The following CLCN5 variants were observed in gnomAD, a reference collection of about 807,000 sequenced individuals.
CLCN5 encodes H(+)/Cl(-) exchange transporter 5.
In CLCN5, 17 loss-of-function variants were observed where a neutral mutation model predicts 54.0. That is an observed-to-expected ratio of 0.31 (90% confidence interval 0.22 to 0.47). The LOEUF (loss-of-function observed/expected upper bound fraction) is 0.47. CLCN5 is among the 20% of genes least tolerant of loss of function. The probability of loss-of-function intolerance (pLI) is 1.00; values close to 1 mark genes in which losing one functional copy is unlikely to be tolerated. For synonymous variants in CLCN5, 222 were observed against 233.0 expected (o/e 0.95, Z 0.43); for missense variants, 448 against 646.7 (o/e 0.69, Z 3.33).
At chrX:50,079,996 T>C (rs1557192800) in intron 7 of CLCN5, among the ~76,000 whole-genome samples, 1 of 111,821 alleles carries the variant, frequency 8.9e-6, no homozygotes, top group Non-Finnish European at 1.9e-5. Context: ...TTCAATGTAG[T>C]AACAATTTCG....
chrX:49,923,996 CT>C (rs1557167592), intron 2 of CLCN5, among the ~76,000 whole-genome samples: 2 of 112,219 alleles, frequency 1.8e-5, no homozygotes, highest in African/African-American at 6.5e-5. Flanking sequence ...AAGGTGAAGA[CT>C]TTTAGAAAAA....
chrX:49,922,820 C>T (rs1557167373), intron 1 of CLCN5, 28 bp downstream of exon 1: 1 of 113,166 alleles, frequency 8.8e-6, no homozygotes, highest in Non-Finnish European at 1.9e-5. Flanking sequence ...GTCCCTTCCC[C>T]AACAGGTCCT....
intron 3 of CLCN5, among the ~76,000 whole-genome samples, chrX:49,940,372 A>T (rs1231296466): frequency 8.9e-6 from 1 of 112,140 alleles, no homozygotes; most frequent in African/African-American, 3.2e-5. Flanking sequence ...GCTGACTGAA[A>T]TCATATCTCT....
intron 3 of CLCN5, among the ~76,000 whole-genome samples, chrX:49,977,825 C>T (rs1413549040): frequency 1.8e-5 from 2 of 111,592 alleles, no homozygotes; most frequent in Non-Finnish European, 3.8e-5. Context: ...AGGTGGTGGG[C>T]AGGGCTGGGC....
chrX:50,081,499 C>A, intron 8 of CLCN5, 142 bp from the exon 9 acceptor site: 1 of 506,990 alleles, frequency 2.0e-6, no homozygotes, highest in Non-Finnish European at 3.4e-6. Context: ...GGGCTCTCTT[C>A]CAAACAGGGA....
chrX:50,065,074 G>A (rs1260158391), intron 4 of CLCN5, among the ~76,000 whole-genome samples: 3 of 103,457 alleles, frequency 2.9e-5, no homozygotes, highest in African/African-American at 1.1e-4. Context: ...GAAAACCTAG[G>A]CATTACCATT....
At chrX:50,007,473 CAGAG>C (rs782126963) in intron 3 of CLCN5, among the ~76,000 whole-genome samples, 5 of 95,150 alleles carry the variant, frequency 5.3e-5, no homozygotes, top group African/African-American at 2.8e-4. Flanking sequence ...CACACACACA[CAGAG>C]AGAGTGGAAC....
intron 3 of CLCN5, among the ~76,000 whole-genome samples, chrX:49,970,578 A>G (rs1928157947): frequency 9.0e-6 from 1 of 111,695 alleles, no homozygotes; most frequent in Non-Finnish European, 1.9e-5. Context: ...AGCAAACAGT[A>G]CTTCATTACT....
intron 4 of CLCN5, among the ~76,000 whole-genome samples, chrX:50,046,809 G>A (rs1569539362): frequency 9.0e-6 from 1 of 111,259 alleles, no homozygotes; most frequent in South Asian, 3.8e-4. Context: ...CTAGGCAAAA[G>A]ATCAAAAGGC....
At chrX:50,085,579 A>G (rs1933855378) in intron 9 of CLCN5, 2 of 234,572 alleles carry the variant, frequency 8.5e-6, no homozygotes, top group Admixed American at 1.2e-4. Flanking sequence ...GCCTTCTTGA[A>G]CATCTCATTT....
At chrX:50,006,453 A>T (rs1930153400) in intron 3 of CLCN5, among the ~76,000 whole-genome samples, 1 of 111,756 alleles carries the variant, frequency 8.9e-6, no homozygotes, top group African/African-American at 3.3e-5. Flanking sequence ...GAGCTTTTTG[A>T]ATGCCTGTTG....
intron 3 of CLCN5, among the ~76,000 whole-genome samples, chrX:49,966,211 A>G (rs193025507): frequency 4.5e-5 from 5 of 111,739 alleles, no homozygotes; most frequent in African/African-American, 1.3e-4. Flanking sequence ...AGTTTTATTT[A>G]GGGGAATGTT....
intron 3 of CLCN5, among the ~76,000 whole-genome samples, chrX:49,931,789 A>T (rs1601949191): frequency 9.5e-6 from 1 of 104,777 alleles, no homozygotes; most frequent in South Asian, 4.4e-4. Flanking sequence ...GGTGGTGCAC[A>T]CCTGTCGTCC....
intron 4 of CLCN5, among the ~76,000 whole-genome samples, chrX:50,064,173 G>C (rs782797683): frequency 5.4e-5 from 6 of 110,419 alleles, no homozygotes; most frequent in East Asian, 2.9e-4. Flanking sequence ...AATCAGGCAG[G>C]AGAAGGAGAT....
chrX:50,060,115 T>TAA (rs1264063294), intron 4 of CLCN5, among the ~76,000 whole-genome samples: 1 of 109,113 alleles, frequency 9.2e-6, no homozygotes, highest in Admixed American at 9.9e-5. Context: ...CATACTTTTC[T>TAA]AAAAGTTTAA....
At chrX:50,050,292 ACTGT>A (rs1190629451) in intron 4 of CLCN5, 2 of 112,013 alleles carry the variant, frequency 1.8e-5, no homozygotes, top group Admixed American at 9.4e-5. Flanking sequence ...GTGCCACCAA[ACTGT>A]CTGCCAAAGT....
intron 7 of CLCN5, among the ~76,000 whole-genome samples, chrX:50,077,243 A>G (rs1433415407): frequency 6.3e-5 from 7 of 111,107 alleles, no homozygotes; most frequent in African/African-American, 2.3e-4. Flanking sequence ...AAAGGGTTCA[A>G]TAAAAGGGAT....
At chrX:49,930,172 C>T in intron 3 of CLCN5, among the ~76,000 whole-genome samples, 1 of 111,941 alleles carries the variant, frequency 8.9e-6, no homozygotes, top group Middle Eastern at 4.6e-3. Context: ...ATTAGAATGG[C>T]ATACCATTTT....
chrX:49,969,173 G>A (rs1221229977), intron 3 of CLCN5, among the ~76,000 whole-genome samples: 25 of 110,484 alleles, frequency 2.3e-4, no homozygotes, highest in Non-Finnish European at 1.5e-4. Context: ...CGCCTCCCAG[G>A]TTCAAGCAAT....
Sources: allele counts gnomAD v4.1 joint callset (sites outside exome capture counted in the v4.1 genomes callset), GRCh38; gene constraint gnomAD v4.1.1; transcripts MANE v1.5; gene names NCBI Gene and HGNC (gene_info 2026-07-23, HGNC 2026-07-21).